SOX5: variants seen among roughly 807,000 people sequenced by gnomAD.
SOX5 encodes the protein transcription factor SOX-5.
SOX5 carries 9 observed loss-of-function variants against 92.0 expected under a neutral mutation model. The observed-to-expected ratio is 0.10, with a 90% CI of 0.06 to 0.17. SOX5 has a LOEUF of 0.17. SOX5 is among the 10% of genes least tolerant of loss of function. SOX5 has a pLI of 1.00. For missense variants in SOX5, 642 were observed against 944.5 expected, an observed-to-expected ratio of 0.68 and a Z score of 4.20; for synonymous variants, 344 against 336.3, an observed-to-expected ratio of 1.02 and a Z score of -0.25.
At chr12:24,072,139 A>G (rs2137453116) in intron 4 of SOX5, among the ~76,000 whole-genome samples, 1 of 152,348 alleles carries the variant, frequency 6.6e-6, no homozygotes, top group Non-Finnish European at 1.5e-5. Flanking sequence ...TTGCAATTGA[A>G]TTTGATAAGT....
At chr12:24,021,039 C>T (rs1954223902) in intron 4 of SOX5, among the ~76,000 whole-genome samples, 1 of 152,158 alleles carries the variant, frequency 6.6e-6, no homozygotes, top group Non-Finnish European at 1.5e-5. Flanking sequence ...TCACCAGCAG[C>T]GACAGAGTCA....
At chr12:23,585,483 G>A (rs142311724) in intron 9 of SOX5, among the ~76,000 whole-genome samples, 1 of 152,158 alleles carries the variant, frequency 6.6e-6, no homozygotes, top group African/African-American at 2.4e-5. Flanking sequence ...TAGAGGAAAG[G>A]GGGCAGTCAT....
chr12:23,987,337 A>T (rs1028662793), intron 4 of SOX5, among the ~76,000 whole-genome samples: 1 of 152,220 alleles, frequency 6.6e-6, no homozygotes, highest in African/African-American at 2.4e-5. Context: ...CCAGCCATAC[A>T]CAGAGTGGTA....
chr12:24,188,829 G>C (rs73281071), intron 4 of SOX5, among the ~76,000 whole-genome samples: 3 of 152,106 alleles, frequency 2.0e-5, no homozygotes, highest in African/African-American at 7.2e-5. Context: ...CAGGCTGGGG[G>C]CAGGAAAATC....
At chr12:24,120,621 T>C (rs919836015) in intron 4 of SOX5, among the ~76,000 whole-genome samples, 4 of 152,210 alleles carry the variant, frequency 2.6e-5, no homozygotes, top group African/African-American at 7.2e-5. Flanking sequence ...CATTCAATAT[T>C]CCTTTGATAT....
chr12:24,261,473 C>T (rs560363882), intron 3 of SOX5, among the ~76,000 whole-genome samples: 28 of 152,152 alleles, frequency 1.8e-4, no homozygotes, highest in Non-Finnish European at 3.1e-4. Flanking sequence ...TGCTTGAATT[C>T]GAAAATCCAC....
At chr12:23,590,569 T>G (rs2137109861) in intron 9 of SOX5, among the ~76,000 whole-genome samples, 1 of 152,202 alleles carries the variant, frequency 6.6e-6, no homozygotes, top group African/African-American at 2.4e-5. Context: ...GTTTCTTCCT[T>G]ACCTCCATAT....
intron 3 of SOX5, among the ~76,000 whole-genome samples, chr12:24,251,510 A>C (rs1048755733): frequency 1.3e-5 from 2 of 151,946 alleles, no homozygotes; most frequent in Non-Finnish European, 2.9e-5. Flanking sequence ...TATGAGTGAA[A>C]GTTCCAGACC....
At chr12:24,066,899 A>G (rs1484588644) in intron 4 of SOX5, among the ~76,000 whole-genome samples, 2 of 152,338 alleles carry the variant, frequency 1.3e-5, no homozygotes, top group Middle Eastern at 3.4e-3. Context: ...AAAAGTTGCC[A>G]TCTTTTCGAG....
chr12:23,818,328 C>T (rs1285458364), intron 3 of SOX5, among the ~76,000 whole-genome samples: 1 of 152,064 alleles, frequency 6.6e-6, no homozygotes, highest in African/African-American at 2.4e-5. Flanking sequence ...TGCTGAATAC[C>T]GTATGCAACT....
chr12:23,813,500 T>C (rs2095918144), intron 3 of SOX5, among the ~76,000 whole-genome samples: 1 of 152,124 alleles, frequency 6.6e-6, no homozygotes. Flanking sequence ...TCTGAGCATT[T>C]AGTACTTTCG....
intron 9 of SOX5, among the ~76,000 whole-genome samples, chr12:23,589,471 G>A (rs1007855325): frequency 1.3e-5 from 2 of 151,842 alleles, no homozygotes; most frequent in Non-Finnish European, 2.9e-5. Flanking sequence ...CCTAAATATT[G>A]CTGAGTTTTC....
At chr12:24,085,092 G>GATAATAAAACCA (rs57130201) in intron 4 of SOX5, among the ~76,000 whole-genome samples, 56,859 of 151,748 alleles carry the variant, frequency 0.37, 10,920 homozygotes, top group East Asian at 0.65. Flanking sequence ...TTCTTAGCAT[G>GATAATAAAACCA]GCTGACGTAT....
chr12:23,956,597 G>C (rs1198966269), intron 4 of SOX5, among the ~76,000 whole-genome samples: 2 of 152,038 alleles, frequency 1.3e-5, no homozygotes, highest in African/African-American at 4.8e-5. Context: ...CATGAAACTG[G>C]TCCCTGATGC....
At chr12:24,267,338 T>C (rs1943149801) in intron 3 of SOX5, among the ~76,000 whole-genome samples, 1 of 152,248 alleles carries the variant, frequency 6.6e-6, no homozygotes, top group African/African-American at 2.4e-5. Context: ...TAGAATATTA[T>C]AAAACACCAA....
At chr12:23,749,455 T>A (rs956891450) in intron 4 of SOX5, among the ~76,000 whole-genome samples, 4 of 151,868 alleles carry the variant, frequency 2.6e-5, no homozygotes, top group Non-Finnish European at 5.9e-5. Context: ...TGGCTTAGAT[T>A]TAAATATATC....
chr12:23,715,809 C>CAAAAA lies in SOX5; in HGVS notation c.810+18870_810+18874dup, dbSNP rs35450544. On this transcript the variant is annotated intron_variant, in intron 6 of 14. Coordinates refer to ENST00000451604, the MANE Select transcript of SOX5 (RefSeq NM_006940.6). ...TTCTAAGGAAAGAGTAGTAATTTCCCAAAAAAAAAAAAAAAAAAAAAAAAC... is the reference window on the plus strand; with the variant it reads ...TTCTAAGGAAAGAGTAGTAATTTCCCAAAAAAAAAAAAAAAAAAAAAAAAAAAAAC... Among the ~76,000 whole-genome samples, 24 of 72,800 alleles carry CAAAAA rather than the reference C, an allele frequency of 3.3e-4. 1 individual carries two copies. Among genetic ancestry groups the CAAAAA allele is most frequent in the African/African-American group, 1.1e-3 (23 of 20,302 alleles). 47.8% of individuals were successfully genotyped at this position (72,800 alleles called of 152,430 possible). A position where few individuals can be genotyped will look rare whatever the true frequency, so the allele number is the denominator to read the frequency against.
rs189059424 is a variant in SOX5, at chr12:24,390,574, C to T, written c.-250-21935G>A. Reference sequence around the variant, plus strand: ...CCATTAAGTAATTTATCATTCCTTACCCCGCACCCTTCCAAGTTTCTAATG... The same window carrying T: ...CCATTAAGTAATTTATCATTCCTTATCCCGCACCCTTCCAAGTTTCTAATG... On this transcript the variant is annotated intron_variant, in intron 1 of 4. Transcript: ENST00000446891. Among the ~76,000 whole-genome samples, 12 of 152,216 alleles carry T rather than the reference C, an allele frequency of 7.9e-5. No individual in the cohort carries two copies. The East Asian group carries it at 9.7e-4, about 12-fold the overall frequency.
intron 9 of SOX5, among the ~76,000 whole-genome samples, chr12:23,576,085 A>AT (rs1466946886): frequency 1.7e-4 from 26 of 152,342 alleles, no homozygotes; most frequent in African/African-American, 4.6e-4. Context: ...AAAGCAGATA[A>AT]TTTTTGTAAC....
Sources: gnomAD v4.1 joint callset for allele counts (sites outside exome capture counted in the v4.1 genomes callset) on GRCh38, gnomAD v4.1.1 for gene constraint, MANE v1.5 for transcripts, NCBI Gene and HGNC (gene_info 2026-07-23, HGNC 2026-07-21) for gene names.